DGKH: variants seen among roughly 807,000 people sequenced by gnomAD.
The protein encoded by DGKH is DAG kinase eta.
A neutral mutation model predicts 159.3 loss-of-function variants in DGKH; 90 were observed. The ratio of observed to expected loss-of-function variants is 0.57; its 90% CI spans 0.48 to 0.67. The LOEUF (loss-of-function observed/expected upper bound fraction) is 0.67. Ranked by LOEUF, DGKH falls within the 30% of genes least tolerant of loss-of-function variation. The pLI is 0.00. For synonymous variants in DGKH, 536 were observed against 553.8 expected, an observed-to-expected ratio of 0.97 and a Z score of 0.45; for missense variants, 1,181 against 1,506.1, an observed-to-expected ratio of 0.78 and a Z score of 3.57.
At chr13:42,162,782 C>T (rs572610793) in intron 7 of DGKH, among the ~76,000 whole-genome samples, 4 of 151,222 alleles carry the variant, frequency 2.6e-5, no homozygotes, top group Admixed American at 2.6e-4. Context: ...CCAGCTTGGG[C>T]AACAAGAGTG....
chr13:42,158,014 G>A (rs552313207), intron 5 of DGKH, among the ~76,000 whole-genome samples: 20 of 152,214 alleles, frequency 1.3e-4, no homozygotes, highest in Non-Finnish European at 2.1e-4. Context: ...CCACCTCAGC[G>A]TCCCAGAGTG....
chr13:42,196,434 A>G (rs1382326814), intron 17 of DGKH, among the ~76,000 whole-genome samples: 2 of 152,390 alleles, frequency 1.3e-5, no homozygotes, highest in East Asian at 3.9e-4. Context: ...CAAAAGTGAT[A>G]TATTCATACA....
At chr13:42,185,265 G>A (rs1355775844) in intron 13 of DGKH, among the ~76,000 whole-genome samples, 1 of 152,142 alleles carries the variant, frequency 6.6e-6, no homozygotes, top group Admixed American at 6.5e-5. Context: ...GGAACTTAAT[G>A]AGCAATAAGA....
intron 18 of DGKH, 37 bp from the exon 19 acceptor site, chr13:42,199,529 C>T: frequency 7.3e-7 from 1 of 1,378,420 alleles, no homozygotes; most frequent in Non-Finnish European, 1.0e-6. Context: ...TAATGAATCT[C>T]AAATTGACTT....
chr13:42,200,162 G>A (rs1163314149), intron 20 of DGKH, among the ~76,000 whole-genome samples: 2 of 152,176 alleles, frequency 1.3e-5, no homozygotes, highest in Non-Finnish European at 2.9e-5. Context: ...TAAAAGTGGA[G>A]CCAAGGGAGC....
intron 28 of DGKH, among the ~76,000 whole-genome samples, chr13:42,220,423 C>T (rs774132023): frequency 6.6e-6 from 1 of 152,132 alleles, no homozygotes; most frequent in Non-Finnish European, 1.5e-5. Context: ...TTTAAATGTA[C>T]AGGTATGCTA....
At chr13:42,176,764 G>A (rs1461245946) in intron 12 of DGKH, among the ~76,000 whole-genome samples, 4 of 152,118 alleles carry the variant, frequency 2.6e-5, no homozygotes, top group South Asian at 2.1e-4. Flanking sequence ...GAGCATAGGC[G>A]GCCAGCTTGC....
chr13:42,103,615 G>T (rs1954692179), intron 1 of DGKH, among the ~76,000 whole-genome samples: 1 of 152,176 alleles, frequency 6.6e-6, no homozygotes, highest in Non-Finnish European at 1.5e-5. Flanking sequence ...TGCACCAAAT[G>T]CAGTCCCCCA....
rs113132627 is a variant in DGKH, at chr13:42,218,870, A to G, written c.3214-360A>G. ...AATAAGTAGAATAGTAAGACTGCACACTTATACAACCAGGAAGAATTGGTA... is the reference window on the plus strand; with the variant it reads ...AATAAGTAGAATAGTAAGACTGCACGCTTATACAACCAGGAAGAATTGGTA... On this transcript the variant is annotated intron_variant, in intron 26 of 29. Coordinates refer to ENST00000337343, the MANE Select transcript of DGKH (RefSeq NM_178009.5). Among the ~76,000 whole-genome samples the G allele has an allele frequency of 1.8e-4, 28 of 152,310 alleles. 1 individual carries two copies. Among genetic ancestry groups the G allele is most frequent in the African/African-American group, 6.7e-4 (28 of 41,570 alleles).
intron 7 of DGKH, among the ~76,000 whole-genome samples, chr13:42,164,537 G>T (rs561228993): frequency 1.8e-4 from 27 of 152,276 alleles, no homozygotes; most frequent in African/African-American, 6.3e-4. Flanking sequence ...ATAAAATAAA[G>T]TCATATTAAA....
At position 42,198,476 on chromosome 13, in the gene DGKH, A is replaced by G; in HGVS notation, c.2168-2A>G. On this transcript the variant is annotated splice_acceptor_variant, in intron 17 of 29. Transcript: ENST00000337343. LOFTEE classifies it high-confidence loss of function. ...CCCATATGTGTTTGCTTTTCTTTCC[A>G]GGTTTAAGAGCAGGACTGGCTGCCT... 6.2e-7 allele frequency: 1 copy of G among 1,611,094 alleles called. No homozygotes were observed. The highest frequency in any genetic ancestry group is 8.5e-7 in the Non-Finnish European group (1 of 1,178,984).
upstream of DGKH, among the ~76,000 whole-genome samples, chr13:42,047,420 A>G (rs988490551): frequency 6.6e-6 from 1 of 152,252 alleles, no homozygotes; most frequent in Non-Finnish European, 1.5e-5. Context: ...AGGCATGAAC[A>G]TAACAGAGAT....
chr13:42,077,845 T>C (rs1170181), intron 1 of DGKH, among the ~76,000 whole-genome samples: 8,994 of 152,296 alleles, frequency 0.059, 499 homozygotes, highest in African/African-American at 0.14. Flanking sequence ...AAGGGTAGTT[T>C]GGGGTTATTT....
chr13:42,145,531 T>C (rs1206303787), intron 3 of DGKH, among the ~76,000 whole-genome samples: 1 of 152,042 alleles, frequency 6.6e-6, no homozygotes, highest in Admixed American at 6.5e-5. Context: ...GAAGTTAGTC[T>C]TTGTATCTTG....
intron 1 of DGKH, among the ~76,000 whole-genome samples, chr13:42,096,854 A>G (rs2099518590): frequency 6.6e-6 from 1 of 152,218 alleles, no homozygotes; most frequent in African/African-American, 2.4e-5. Context: ...GTTTGATCAT[A>G]TGGGAAGAAA....
rs528682148 is a variant in DGKH at position 42,228,180 on chromosome 13, C to T, written c.3574-919C>T. Among the ~76,000 whole-genome samples the T allele has an allele frequency of 1.9e-4, 29 of 152,220 alleles. 1 individual carries two copies. The highest frequency in any genetic ancestry group is 7.0e-4 in the African/African-American group (29 of 41,546). ...TCCTGCAACAAATATTTGCAAGGTACTTGCTGTGCACACTCTGCAGTCATC... is the reference window on the plus strand; with the variant it reads ...TCCTGCAACAAATATTTGCAAGGTATTTGCTGTGCACACTCTGCAGTCATC... On this transcript the variant is annotated intron_variant, in intron 29 of 29. Transcript: ENST00000337343.
intron 14 of DGKH, 95 bp from the exon 15 acceptor site, chr13:42,188,941 A>C (rs1956994843): frequency 7.1e-7 from 1 of 1,416,170 alleles, no homozygotes; most frequent in Non-Finnish European, 9.5e-7. Context: ...CTAGTGATTA[A>C]ACTTTCAAAA....
Position 42,208,948 on chromosome 13 carries a change from T to A in DGKH, c.2602-11T>A. ...ACATTCAGTAGAAGTGTAATGTAGT[T>A]TTTCTTTCAGATATTTGCTGCACCA... On this transcript the variant is annotated splice_polypyrimidine_tract_variant and intron_variant, in intron 21 of 29. Transcript: ENST00000337343. 6.2e-7 allele frequency: 1 copy of A among 1,600,480 alleles called. No individual in the cohort carries two copies. Among genetic ancestry groups the A allele is most frequent in the Non-Finnish European group, 8.5e-7 (1 of 1,172,906 alleles).
intron 5 of DGKH, among the ~76,000 whole-genome samples, chr13:42,158,487 A>G (rs1018471847): frequency 6.6e-6 from 1 of 152,204 alleles, no homozygotes; most frequent in African/African-American, 2.4e-5. Context: ...CAATTTTTCA[A>G]ATAACCTATA....
Sources: allele counts gnomAD v4.1 joint callset (sites outside exome capture counted in the v4.1 genomes callset), GRCh38; gene constraint gnomAD v4.1.1; transcripts MANE v1.5; gene names NCBI Gene and HGNC (gene_info 2026-07-23, HGNC 2026-07-21).